Variants in CDKAL1 observed in about 807,000 individuals in gnomAD.
The protein encoded by CDKAL1 is CDKAL1 threonylcarbamoyladenosine tRNA methylthiotransferase.
Under a neutral mutation model 68.2 loss-of-function variants are expected in CDKAL1, and 32 were observed. The ratio of observed to expected loss-of-function variants is 0.47; its 90% CI spans 0.35 to 0.63. The LOEUF is 0.63. Among genes scored for constraint, CDKAL1 ranks in the 30% least tolerant of loss-of-function variants. CDKAL1 has a pLI of 0.00. For missense variants in CDKAL1, 606 were observed against 696.7 expected, an observed-to-expected ratio of 0.87 and a Z score of 1.47; for synonymous variants, 234 against 244.3, an observed-to-expected ratio of 0.96 and a Z score of 0.39.
intron 13 of CDKAL1, among the ~76,000 whole-genome samples, chr6:21,173,788 G>A (rs1777479738): frequency 6.6e-6 from 1 of 152,168 alleles, no homozygotes; most frequent in Non-Finnish European, 1.5e-5. Flanking sequence ...ATAAAATTAA[G>A]GTCAGACGCA....
intron 10 of CDKAL1, among the ~76,000 whole-genome samples, chr6:20,965,940 TTTCTA>T (rs1363718957): frequency 6.6e-6 from 1 of 152,232 alleles, no homozygotes; most frequent in Non-Finnish European, 1.5e-5. Context: ...CCTTTACACT[TTTCTA>T]TTCTACGATC....
chr6:20,642,208 G>T (rs1188008007), intron 4 of CDKAL1, among the ~76,000 whole-genome samples: 1 of 152,032 alleles, frequency 6.6e-6, no homozygotes, highest in East Asian at 1.9e-4. Flanking sequence ...GGGAATAGAG[G>T]AAGTGTTCTA....
At chr6:21,130,678 T>C (rs1344683806) in intron 13 of CDKAL1, among the ~76,000 whole-genome samples, 3 of 152,204 alleles carry the variant, frequency 2.0e-5, no homozygotes, top group Non-Finnish European at 4.4e-5. Context: ...GTAGACCTAC[T>C]TGAGTTTGTA....
chr6:21,186,025 T>C (rs1777994712), intron 13 of CDKAL1, among the ~76,000 whole-genome samples: 1 of 137,496 alleles, frequency 7.3e-6, no homozygotes, highest in Non-Finnish European at 1.5e-5. Context: ...CAGAAGCTCT[T>C]GGAGCCGGGC....
intron 8 of CDKAL1, among the ~76,000 whole-genome samples, chr6:20,839,999 A>C (rs746702886): frequency 2.0e-5 from 3 of 152,222 alleles, no homozygotes; most frequent in Non-Finnish European, 4.4e-5. Context: ...GCAACTAATC[A>C]TGTATTCTTA....
intron 11 of CDKAL1, among the ~76,000 whole-genome samples, chr6:21,032,037 C>G (rs2150879540): frequency 6.6e-6 from 1 of 152,192 alleles, no homozygotes; most frequent in Middle Eastern, 3.4e-3. Flanking sequence ...CCTGCACGTC[C>G]TATCTTTCTC....
intron 11 of CDKAL1, among the ~76,000 whole-genome samples, chr6:21,046,416 G>C (rs1037110243): frequency 6.6e-6 from 1 of 152,216 alleles, no homozygotes; most frequent in Admixed American, 6.5e-5. Flanking sequence ...GGGGGCAGTG[G>C]GTAGTGGGCT....
intron 9 of CDKAL1, among the ~76,000 whole-genome samples, chr6:20,890,753 C>T (rs892663885): frequency 3.3e-5 from 5 of 152,094 alleles, no homozygotes; most frequent in Admixed American, 6.6e-5. Flanking sequence ...AGGCGATTTG[C>T]ATCAAATTGT....
In CDKAL1 at chr6:20,988,182, A is replaced by G. The variant is rs376136309; in HGVS notation, c.910-12045A>G. Reference sequence around the variant, plus strand: ...TCAAAGTCCTTCAAAGAAACATAATATGTGTGTGTGTGTGTGTGTGTGTGT... The same window carrying G: ...TCAAAGTCCTTCAAAGAAACATAATGTGTGTGTGTGTGTGTGTGTGTGTGT... On this transcript the variant is annotated intron_variant, in intron 10 of 15. Transcript: ENST00000274695. 8.1e-3 allele frequency among the ~76,000 whole-genome samples: 1,114 copies of G among 137,498 alleles called. 18 individuals carry two copies. Among genetic ancestry groups the G allele is most frequent in the African/African-American group, 0.023 (873 of 37,428 alleles). 90.2% of individuals were successfully genotyped at this position (137,498 alleles called of 152,430 possible).
chr6:20,534,629 T>C (rs1376137660), intron 1 of CDKAL1, 55 bp downstream of exon 1: 2 of 152,690 alleles, frequency 1.3e-5, no homozygotes, highest in South Asian at 4.1e-4. Context: ...GCTCCTTTTA[T>C]GGCCAAGCCT....
At chr6:21,180,931 G>A (rs1280495867) in intron 13 of CDKAL1, among the ~76,000 whole-genome samples, 1 of 151,930 alleles carries the variant, frequency 6.6e-6, no homozygotes, top group Admixed American at 6.6e-5. Flanking sequence ...AATTTATAAA[G>A]AAAATAAATT....
At chr6:20,833,206 A>G (rs923643211) in intron 8 of CDKAL1, among the ~76,000 whole-genome samples, 2 of 152,166 alleles carry the variant, frequency 1.3e-5, no homozygotes, top group African/African-American at 4.8e-5. Flanking sequence ...AACTGGTTCC[A>G]GCGTTAGTTT....
chr6:20,925,682 A>G (rs1018977977), intron 9 of CDKAL1, among the ~76,000 whole-genome samples: 3 of 152,122 alleles, frequency 2.0e-5, no homozygotes, highest in African/African-American at 7.2e-5. Flanking sequence ...GGTATCTTGG[A>G]TTCCAGAAAA....
intron 6 of CDKAL1, among the ~76,000 whole-genome samples, chr6:20,751,343 A>G (rs1581507039): frequency 6.6e-6 from 1 of 152,110 alleles, no homozygotes; most frequent in African/African-American, 2.4e-5. Flanking sequence ...TCCCTTAGCC[A>G]TTCCCTAAAG....
chr6:20,927,684 A>C (rs897285936), intron 9 of CDKAL1, among the ~76,000 whole-genome samples: 1 of 152,160 alleles, frequency 6.6e-6, no homozygotes, highest in Non-Finnish European at 1.5e-5. Context: ...TAAAACAGGA[A>C]TGTGCTTTTT....
intron 9 of CDKAL1, among the ~76,000 whole-genome samples, chr6:20,859,597 T>C (rs528707118): frequency 2.6e-5 from 4 of 152,302 alleles, no homozygotes; most frequent in South Asian, 4.1e-4. Flanking sequence ...ATTGGTAATA[T>C]CTTTTTGGAA....
intron 9 of CDKAL1, among the ~76,000 whole-genome samples, chr6:20,866,644 C>T (rs1014731872): frequency 1.2e-4 from 19 of 152,250 alleles, no homozygotes; most frequent in South Asian, 4.1e-4. Flanking sequence ...TTGTGTCCAT[C>T]GTGATTAAAT....
chr6:20,640,748 A>G (rs571517917), intron 4 of CDKAL1, among the ~76,000 whole-genome samples: 21 of 152,304 alleles, frequency 1.4e-4, no homozygotes, highest in African/African-American at 4.8e-4. Flanking sequence ...TTAAATTCAC[A>G]GTCTCTGGAG....
chr6:20,583,234 C>G (rs1765208346), intron 4 of CDKAL1, among the ~76,000 whole-genome samples: 1 of 152,006 alleles, frequency 6.6e-6, no homozygotes, highest in Non-Finnish European at 1.5e-5. Flanking sequence ...CTCTTTTTAC[C>G]CAATTCCTCA....
Sources: allele counts gnomAD v4.1 joint callset (sites outside exome capture counted in the v4.1 genomes callset), GRCh38; gene constraint gnomAD v4.1.1; transcripts MANE v1.5; gene names NCBI Gene and HGNC (gene_info 2026-07-23, HGNC 2026-07-21).